ENAH: variants seen among roughly 807,000 people sequenced by gnomAD.
The protein encoded by ENAH is ENAH actin regulator.
In ENAH, 23 loss-of-function variants were observed where a neutral mutation model predicts 78.7. The ratio of observed to expected loss-of-function variants is 0.29; its 90% CI spans 0.21 to 0.41. The LOEUF (loss-of-function observed/expected upper bound fraction) is 0.41, where lower values mean the gene tolerates loss of function less well. ENAH is among the 10% of genes least tolerant of loss of function. The pLI is 1.00. For synonymous variants in ENAH, 226 were observed against 241.0 expected (o/e 0.94, Z 0.58); for missense variants, 544 against 691.0 (o/e 0.79, Z 2.39).
chr1:225,497,976 A>G (rs1354452111), intron 13 of ENAH, among the ~76,000 whole-genome samples, 164 bp from the exon 14 acceptor site: 1 of 152,170 alleles, frequency 6.6e-6, no homozygotes, highest in African/African-American at 2.4e-5. Context: ...GAAAGATGAT[A>G]CTAATTTCTA....
intron 11 of ENAH, among the ~76,000 whole-genome samples, chr1:225,507,173 T>C (rs1298054053): frequency 2.0e-5 from 3 of 152,106 alleles, no homozygotes; most frequent in Non-Finnish European, 4.4e-5. Flanking sequence ...TTAACTAGCC[T>C]TGTTTCTGGA....
At chr1:225,505,626 T>C (rs1210879680) in intron 11 of ENAH, among the ~76,000 whole-genome samples, 1 of 37,268 alleles carries the variant, frequency 2.7e-5, no homozygotes, top group Non-Finnish European at 6.0e-5. Flanking sequence ...GGATAAGACA[T>C]ACTTAATACA....
At chr1:225,614,720 A>G (rs2148168414) in intron 1 of ENAH, among the ~76,000 whole-genome samples, 1 of 152,286 alleles carries the variant, frequency 6.6e-6, no homozygotes, top group East Asian at 1.9e-4. Context: ...TCTCATTAGC[A>G]TACAAAAAGA....
intron 4 of ENAH, chr1:225,524,549 C>G (rs2151210377): frequency 2.2e-6 from 2 of 920,784 alleles, no homozygotes; most frequent in South Asian, 5.0e-5. Context: ...TGTAATAAGA[C>G]AGCTAAGTTT....
chr1:225,534,632 TTATC>T (rs1037478811), intron 3 of ENAH, among the ~76,000 whole-genome samples: 6 of 152,048 alleles, frequency 3.9e-5, no homozygotes, highest in Non-Finnish European at 8.8e-5. Flanking sequence ...TTTAATAACT[TTATC>T]TCTCTCATAA....
Position 225,652,993 on chromosome 1 carries a change from T to C in ENAH, c.-303A>G, listed in dbSNP as rs1045261796. On this transcript the variant is annotated 5_prime_UTR_variant, in exon 1 of 14. Transcript: ENST00000366843. ...GTGGTCCTGCTCCTCCTCCCGGAGC[T>C]TCCTCGGCCGCCCTCTGAGGGGTGC... 74 of 268,816 alleles carry C rather than the reference T, an allele frequency of 2.8e-4. No individual in the cohort carries two copies. The highest frequency in any genetic ancestry group is 4.4e-4 in the Non-Finnish European group (63 of 143,394). 16.7% of individuals were successfully genotyped at this position (268,816 alleles called of 1,614,324 possible).
At chr1:225,629,961 A>G (rs1354586496) in intron 1 of ENAH, among the ~76,000 whole-genome samples, 1 of 152,226 alleles carries the variant, frequency 6.6e-6, no homozygotes, top group African/African-American at 2.4e-5. Context: ...AATGACCAGA[A>G]AATGATTTGC....
At chr1:225,552,010 A>T (rs1055473469) in intron 3 of ENAH, among the ~76,000 whole-genome samples, 1 of 151,782 alleles carries the variant, frequency 6.6e-6, no homozygotes, top group Non-Finnish European at 1.5e-5. Context: ...AGGTGACATT[A>T]TTGGGTATGT....
chr1:225,512,526 T>C (rs1575348141), intron 9 of ENAH, 131 bp downstream of exon 9: 3 of 849,790 alleles, frequency 3.5e-6, no homozygotes, highest in East Asian at 5.5e-5. Flanking sequence ...TTCACATGCA[T>C]AGTTAAAAAT....
chr1:225,523,029 A>T (rs2096481940), intron 4 of ENAH, among the ~76,000 whole-genome samples: 1 of 152,100 alleles, frequency 6.6e-6, no homozygotes, highest in Admixed American at 6.6e-5. Flanking sequence ...GCTGTTTCTT[A>T]CATTTTAGCT....
At chr1:225,504,385 GT>G in intron 11 of ENAH, among the ~76,000 whole-genome samples, 1 of 152,158 alleles carries the variant, frequency 6.6e-6, no homozygotes, top group South Asian at 2.1e-4. Context: ...CTATATTTAA[GT>G]CCCTATTCTG....
chr1:225,611,610 T>C (rs2096989652), intron 1 of ENAH, among the ~76,000 whole-genome samples: 1 of 152,118 alleles, frequency 6.6e-6, no homozygotes, highest in Admixed American at 6.6e-5. Context: ...ATGAGCTACC[T>C]TGCCCAGACA....
At position 225,497,641 on chromosome 1, in the gene ENAH, T is replaced by A. The variant is rs1234137500; in HGVS notation, c.*134A>T. ...TCTGAAGGCTTTCAGAGTAGGTTGG[T>A]TTTTCCCTCCTTCTGTTTGTCTCCA... On this transcript the variant is annotated 3_prime_UTR_variant, in exon 14 of 14. Coordinates refer to ENST00000366843, the MANE Select transcript of ENAH (RefSeq NM_018212.6). The A allele has an allele frequency of 3.7e-6, 3 of 820,238 alleles. No homozygotes were observed. The highest frequency in any genetic ancestry group is 5.5e-6 in the Non-Finnish European group (3 of 544,490). 50.8% of individuals were successfully genotyped at this position (820,238 alleles called of 1,614,324 possible).
intron 1 of ENAH, among the ~76,000 whole-genome samples, chr1:225,602,744 T>C (rs1185181771): frequency 6.6e-6 from 1 of 151,896 alleles, no homozygotes; most frequent in Non-Finnish European, 1.5e-5. Context: ...CTGTAAAAAA[T>C]AAGAGTGTAA....
intron 1 of ENAH, among the ~76,000 whole-genome samples, chr1:225,651,482 G>A (rs1296103646): frequency 4.6e-5 from 7 of 152,140 alleles, no homozygotes; most frequent in Admixed American, 3.9e-4. Flanking sequence ...TTGCCAAAGC[G>A]AAGGAATTTG....
chr1:225,535,287 C>T (rs2096556195), intron 3 of ENAH, among the ~76,000 whole-genome samples: 1 of 152,098 alleles, frequency 6.6e-6, no homozygotes, highest in South Asian at 2.1e-4. Context: ...GTTTTAAGAT[C>T]CTAATTCTAA....
intron 10 of ENAH, among the ~76,000 whole-genome samples, chr1:225,509,707 C>G (rs1055282940): frequency 3.3e-5 from 5 of 152,176 alleles, no homozygotes; most frequent in Non-Finnish European, 7.3e-5. Context: ...AGTCTAAACT[C>G]TTGATAATTT....
Position 225,491,457 on chromosome 1 carries a change from T to C in ENAH, c.*6318A>G, listed in dbSNP as rs2096221446. On this transcript the variant is annotated 3_prime_UTR_variant, in exon 14 of 14. Coordinates refer to ENST00000366843, the MANE Select transcript of ENAH (RefSeq NM_018212.6). ...CATGCCCGGCCATGAAACATTTATT[T>C]TTAAAATGCCTTTAATCTTTAAAAA... The C allele has an allele frequency of 6.8e-6, 1 of 147,112 alleles. No homozygotes were observed. Among genetic ancestry groups the C allele is most frequent in the East Asian group, 2.0e-4 (1 of 5,004 alleles). 9.1% of individuals were successfully genotyped at this position (147,112 alleles called of 1,614,324 possible). A position where few individuals can be genotyped will look rare whatever the true frequency, so the allele number is the denominator to read the frequency against.
chr1:225,608,815 CAAAA>C (rs928281132), intron 1 of ENAH, among the ~76,000 whole-genome samples: 24 of 20,666 alleles, frequency 1.2e-3, no homozygotes, highest in African/African-American at 3.8e-3. Context: ...GACTCTGTCT[CAAAA>C]AAAAAAAAAA....
Sources: allele counts gnomAD v4.1 joint callset (sites outside exome capture counted in the v4.1 genomes callset), GRCh38; gene constraint gnomAD v4.1.1; transcripts MANE v1.5; gene names NCBI Gene and HGNC (gene_info 2026-07-23, HGNC 2026-07-21).